Variants in PTAR1 observed in about 807,000 individuals in gnomAD.
PTAR1 encodes the protein protein prenyltransferase alpha subunit repeat-containing protein 1.
Under a neutral mutation model 45.5 loss-of-function variants are expected in PTAR1, and 17 were observed. The observed-to-expected ratio is 0.37, with a 90% confidence interval of 0.26 to 0.56. The LOEUF (loss-of-function observed/expected upper bound fraction) is 0.56. PTAR1 is among the 20% of genes least tolerant of loss of function. PTAR1 has a pLI of 0.77. For missense variants in PTAR1, 391 were observed against 476.3 expected, an observed-to-expected ratio of 0.82 and a Z score of 1.67; for synonymous variants, 169 against 171.3, an observed-to-expected ratio of 0.99 and a Z score of 0.11.
chr9:69,734,772 ATT>A (rs1374212284), intron 3 of PTAR1, among the ~76,000 whole-genome samples: 6 of 152,244 alleles, frequency 3.9e-5, no homozygotes, highest in African/African-American at 1.4e-4. Flanking sequence ...CCAAATTACT[ATT>A]TTTTATTTTT....
At chr9:69,744,613 C>T (rs1020894351) in intron 2 of PTAR1, among the ~76,000 whole-genome samples, 1 of 151,992 alleles carries the variant, frequency 6.6e-6, no homozygotes, top group African/African-American at 2.4e-5. Flanking sequence ...CTTGAACTCC[C>T]GAGCTCAGGT....
At chr9:69,751,988 T>C (rs1379587151) in intron 1 of PTAR1, among the ~76,000 whole-genome samples, 1 of 152,128 alleles carries the variant, frequency 6.6e-6, no homozygotes, top group African/African-American at 2.4e-5. Flanking sequence ...CTTTCAACTC[T>C]AAAGGAAGTT....
chr9:69,748,731 C>T (rs965976932), intron 2 of PTAR1, among the ~76,000 whole-genome samples: 5 of 152,036 alleles, frequency 3.3e-5, no homozygotes, highest in African/African-American at 1.2e-4. Flanking sequence ...TTTTTCCTAA[C>T]ATTTTTGACA....
At chr9:69,744,885 G>A (rs1263427819) in intron 2 of PTAR1, among the ~76,000 whole-genome samples, 1 of 152,160 alleles carries the variant, frequency 6.6e-6, no homozygotes, top group East Asian at 1.9e-4. Flanking sequence ...GCCAAAAGCA[G>A]CTCCATGTCT....
At chr9:69,746,675 G>T (rs191816791) in intron 2 of PTAR1, among the ~76,000 whole-genome samples, 15 of 152,254 alleles carry the variant, frequency 9.9e-5, no homozygotes, top group African/African-American at 3.6e-4. Context: ...TACAATATAT[G>T]ACTAACCCAT....
chr9:69,723,565 T>C lies in PTAR1; in HGVS notation c.708A>G (p.Gly236=), dbSNP rs746130725. 6.2e-6 allele frequency: 10 copies of C among 1,613,710 alleles called. No homozygotes were observed. The highest frequency in any genetic ancestry group is 1.6e-4 in the Middle Eastern group (1 of 6,078). The change falls in exon 6 of 8, where the codon GGA becomes GGG. Residue 236 remains glycine, a synonymous_variant. Transcript: ENST00000340434. Reference sequence around the variant, plus strand: ...TAAGCAAAAACTGGCGGTAGTGAAATCCACTGTGGTCTGAAACGTGCATAG... The same window carrying C: ...TAAGCAAAAACTGGCGGTAGTGAAACCCACTGTGGTCTGAAACGTGCATAG... ...WASMHVSDHS[G]FHYRQFLLKS...
intron 1 of PTAR1, among the ~76,000 whole-genome samples, chr9:69,759,136 G>C (rs1187316196): frequency 6.6e-6 from 1 of 152,162 alleles, no homozygotes; most frequent in East Asian, 1.9e-4. Context: ...TGTCAGTTCT[G>C]CAGTGTCCCG....
At position 69,717,421 on chromosome 9, in the gene PTAR1, AATCT is replaced by A. The variant is rs1212854685; in HGVS notation, c.*917_*920del. 6.6e-6 allele frequency: 1 copy of A among 152,214 alleles called. No individual in the cohort carries two copies. The highest frequency in any genetic ancestry group is 2.4e-5 in the African/African-American group (1 of 41,452). The allele number at this position is 152,214 out of a possible 1,614,324, so 9.4% of individuals were successfully genotyped here. A position where few individuals can be genotyped will look rare whatever the true frequency, so the allele number is the denominator to read the frequency against. On this transcript the variant is annotated 3_prime_UTR_variant, in exon 8 of 8. Coordinates refer to ENST00000340434, the MANE Select transcript of PTAR1 (RefSeq NM_001099666.2). ...CATATACCAAATTTGAGGTAAAAAT[AATCT>A]ATCAAAACTAGCAATAAAAATAATT...
At chr9:69,734,352 C>A in intron 3 of PTAR1, 98 bp from the exon 4 acceptor site, 2 of 531,860 alleles carry the variant, frequency 3.8e-6, no homozygotes, top group Non-Finnish European at 6.1e-6. Flanking sequence ...CATTGTGAAG[C>A]GAATGTCTAA....
chr9:69,731,359 GCA>G (rs1188177743), intron 5 of PTAR1, among the ~76,000 whole-genome samples: 1 of 152,074 alleles, frequency 6.6e-6, no homozygotes, highest in African/African-American at 2.4e-5. Flanking sequence ...TTTTAGATGA[GCA>G]CCCTAGATTC....
At chr9:69,753,210 G>A (rs1260346939) in intron 1 of PTAR1, among the ~76,000 whole-genome samples, 1 of 151,758 alleles carries the variant, frequency 6.6e-6, no homozygotes, top group Non-Finnish European at 1.5e-5. Context: ...GGATTAAAAT[G>A]CCCAGCTAAT....
At chr9:69,734,350 A>C in intron 3 of PTAR1, 96 bp from the exon 4 acceptor site, 1 of 560,736 alleles carries the variant, frequency 1.8e-6, no homozygotes, top group Non-Finnish European at 2.9e-6. Context: ...CTCATTGTGA[A>C]GCGAATGTCT....
chr9:69,756,650 G>T (rs1826790797), intron 1 of PTAR1, among the ~76,000 whole-genome samples: 1 of 151,884 alleles, frequency 6.6e-6, no homozygotes, highest in South Asian at 2.1e-4. Flanking sequence ...CTCCCTCTGA[G>T]ACTACAAATC....
intron 2 of PTAR1, among the ~76,000 whole-genome samples, chr9:69,748,944 T>C (rs1416828434): frequency 6.6e-6 from 1 of 152,136 alleles, no homozygotes; most frequent in African/African-American, 2.4e-5. Context: ...ATAGTCAAAT[T>C]AAAAACTGCT....
rs1824617316 is a variant in PTAR1, at chr9:69,713,819, T to C, written c.*4523A>G. ...GTAGGGTGCTTAAAATGATAACTAA[T>C]GGAATAATCAAAGCATCCTGCCTGC... On this transcript the variant is annotated 3_prime_UTR_variant, in exon 8 of 8. Coordinates refer to ENST00000340434, the MANE Select transcript of PTAR1 (RefSeq NM_001099666.2). 6.6e-6 allele frequency: 1 copy of C among 152,018 alleles called. No homozygotes were observed. The highest frequency in any genetic ancestry group is 1.5e-5 in the Non-Finnish European group (1 of 67,984). 9.4% of individuals were successfully genotyped at this position (152,018 alleles called of 1,614,324 possible). A position where few individuals can be genotyped will look rare whatever the true frequency, so the allele number is the denominator to read the frequency against.
chr9:69,719,154 A>G (rs138229456), intron 6 of PTAR1, among the ~76,000 whole-genome samples: 2 of 152,302 alleles, frequency 1.3e-5, no homozygotes, highest in East Asian at 3.9e-4. Context: ...GTACTTTAAT[A>G]AAAATAACAT....
At chr9:69,740,409 GGT>G (rs146447813) in intron 3 of PTAR1, among the ~76,000 whole-genome samples, 73 of 150,002 alleles carry the variant, frequency 4.9e-4, no homozygotes, top group African/African-American at 8.5e-4. Flanking sequence ...TATGTATACA[GGT>G]GTGTGTGTGT....
chr9:69,731,762 G>A (rs1282720929), intron 5 of PTAR1, among the ~76,000 whole-genome samples: 1 of 136,204 alleles, frequency 7.3e-6, no homozygotes, highest in Non-Finnish European at 1.7e-5. Context: ...ACGAGAGTGT[G>A]AAAAGACAGC....
chr9:69,758,927 GTTTCT>G (rs1490372703), intron 1 of PTAR1, among the ~76,000 whole-genome samples: 1 of 151,874 alleles, frequency 6.6e-6, no homozygotes, highest in African/African-American at 2.4e-5. Flanking sequence ...TGGATGCCAT[GTTTCT>G]TTTCTTTGAG....
Sources: allele counts gnomAD v4.1 joint callset (sites outside exome capture counted in the v4.1 genomes callset), GRCh38; gene constraint gnomAD v4.1.1; transcripts MANE v1.5; gene names NCBI Gene and HGNC (gene_info 2026-07-23, HGNC 2026-07-21).